Variants in BRD4 observed in about 807,000 individuals in gnomAD.
BRD4 encodes the protein bromodomain-containing protein 4.
Under a neutral mutation model 142.1 loss-of-function variants are expected in BRD4, and 16 were observed. The observed-to-expected ratio is 0.11, with a 90% CI of 0.08 to 0.17. BRD4 has a LOEUF of 0.17. Ranked by LOEUF, BRD4 falls within the 10% of genes least tolerant of loss-of-function variation. The pLI, the probability that BRD4 is intolerant of heterozygous loss-of-function variation, is 1.00. For synonymous variants in BRD4, 833 were observed against 707.5 expected, an observed-to-expected ratio of 1.18 and a Z score of -2.82; for missense variants, 1,424 against 1,810.9, an observed-to-expected ratio of 0.79 and a Z score of 3.88.
At chr19:15,251,060 T>C (rs1385306819) in intron 11 of BRD4, among the ~76,000 whole-genome samples, 1 of 152,080 alleles carries the variant, frequency 6.6e-6, no homozygotes, top group African/African-American at 2.4e-5. Flanking sequence ...TCAGAGGAAG[T>C]GGTAGGGCTG....
intron 1 of BRD4, among the ~76,000 whole-genome samples, chr19:15,273,368 G>A (rs555576664): frequency 6.6e-6 from 1 of 152,336 alleles, no homozygotes; most frequent in East Asian, 1.9e-4. Flanking sequence ...GGCAGAGTGA[G>A]GTGGTGAGAG....
intron 10 of BRD4, among the ~76,000 whole-genome samples, chr19:15,254,906 G>A (rs1599449579): frequency 1.3e-5 from 2 of 152,198 alleles, no homozygotes. Context: ...TGCTAGAGAG[G>A]GACAGAGGCT....
intron 1 of BRD4, among the ~76,000 whole-genome samples, chr19:15,297,052 C>T (rs2047829010): frequency 6.6e-6 from 1 of 152,214 alleles, no homozygotes; most frequent in Non-Finnish European, 1.5e-5. Flanking sequence ...TTCGTAACAT[C>T]TACCTTGTAT....
chr19:15,251,438 CGGGGGGGGG>C (rs1197390019), intron 11 of BRD4, among the ~76,000 whole-genome samples: 1 of 7,088 alleles, frequency 1.4e-4, no homozygotes, highest in East Asian at 3.4e-3. Flanking sequence ...AACACAAGAA[CGGGGGGGGG>C]GGGGGGGGCG....
At position 15,239,121 on chromosome 19, in the gene BRD4, G is replaced by A; in HGVS notation, c.3720C>T (p.Ala1240=). 6.2e-7 allele frequency: 1 copy of A among 1,610,334 alleles called. No individual in the cohort carries two copies. The highest frequency in any genetic ancestry group is 8.5e-7 in the Non-Finnish European group (1 of 1,179,676). The part of the protein sequence containing the change: ...AAREKEEREK[A]LKAQAEHAEK... ...CAGCGTGCTCGGCCTGAGCCTTCAG[G>A]GCCTTCTCACGCTCCTCTTTCTCCC... The change falls in exon 18 of 20, where the codon GCC becomes GCT. Residue 1240 remains alanine (A), a synonymous_variant. Transcript: ENST00000679869. The surrounding 1 kb of genome is among the most constrained non-coding windows in gnomAD (Gnocchi z 7.4).
chr19:15,307,137 G>A (rs2047920912), intron 1 of BRD4, among the ~76,000 whole-genome samples: 1 of 152,144 alleles, frequency 6.6e-6, no homozygotes, highest in East Asian at 1.9e-4. Context: ...TGACTGAACT[G>A]GTCAGGCCAA....
chr19:15,283,552 C>T (rs1301381009), intron 1 of BRD4, among the ~76,000 whole-genome samples: 1 of 152,172 alleles, frequency 6.6e-6, no homozygotes, highest in Non-Finnish European at 1.5e-5. Flanking sequence ...GAAATGCAAA[C>T]AACAATCTGC....
chr19:15,245,046 G>A, intron 11 of BRD4: 1 of 545,690 alleles, frequency 1.8e-6, no homozygotes, highest in Non-Finnish European at 3.2e-6. Flanking sequence ...GAAGCTGAGA[G>A]CTTGCCCAAC....
Position 15,265,578 on chromosome 19 carries a change from G to C in BRD4, c.625C>G (p.Gln209Glu), listed in dbSNP as rs201864530. 5 of 1,614,124 alleles carry C rather than the reference G, an allele frequency of 3.1e-6. 1 individual carries two copies. The Middle Eastern group carries it at 8.2e-4, about 266-fold the overall frequency. Residue 209 changes from glutamine (Q) to glutamate (E), a missense_variant, in exon 5 of 20, where the codon CAG (glutamine) becomes GAG (glutamate). Physicochemically the swap from Gln to Glu is conservative, Grantham distance 29 (BLOSUM62 2). This residue lies in a region of BRD4 where 140 missense variants were observed against 131.7 expected (regional missense o/e 1.06). Coordinates refer to ENST00000679869, the MANE Select transcript of BRD4 (RefSeq NM_001379291.1). Reference protein sequence around the residue: ...TTQASTPPQTQTPQPNPPPVQ... With the variant: ...TTQASTPPQTETPQPNPPPVQ... ...GGAGGAGGATTCGGCTGAGGGGTCTGGGTCTGCGGAGGAGTCGATGCTTGA... is the reference window on the plus strand; with the variant it reads ...GGAGGAGGATTCGGCTGAGGGGTCTCGGTCTGCGGAGGAGTCGATGCTTGA...
chr19:15,237,068 C>G lies in BRD4; in HGVS notation c.*1309G>C, dbSNP rs934206082. The G allele has an allele frequency of 1.4e-4, 29 of 201,918 alleles. No homozygotes were observed. Among genetic ancestry groups the G allele is most frequent in the Middle Eastern group, 1.6e-3 (1 of 630 alleles). The allele number at this position is 201,918 out of a possible 1,614,324, so 12.5% of individuals were successfully genotyped here. ...GGCAGGAGCGGCCAGCTGGTTGGGG[C>G]TGGGCGCCAGGTAGGGGAGTCTCTG... is the stretch of plus-strand genomic sequence containing the variant. On this transcript the variant is annotated 3_prime_UTR_variant, in exon 20 of 20. Transcript: ENST00000679869.
chr19:15,322,533 C>A (rs1423890813), intron 1 of BRD4, among the ~76,000 whole-genome samples: 1 of 149,766 alleles, frequency 6.7e-6, no homozygotes, highest in African/African-American at 2.5e-5. Flanking sequence ...CACGGTGAAA[C>A]CCCGTCTCTA....
intron 1 of BRD4, among the ~76,000 whole-genome samples, chr19:15,276,433 C>T (rs2047647551): frequency 6.6e-6 from 1 of 152,094 alleles, no homozygotes; most frequent in African/African-American, 2.4e-5. Context: ...ACCCTGTCAC[C>T]TTCAGCCTTT....
chr19:15,262,031 G>C (rs964879079), intron 7 of BRD4, among the ~76,000 whole-genome samples: 2 of 152,346 alleles, frequency 1.3e-5, no homozygotes, highest in Middle Eastern at 3.4e-3. Flanking sequence ...TCAAGAGTTT[G>C]AGCACATGTC....
chr19:15,268,364 A>G (rs2047554947), intron 3 of BRD4: 1 of 153,510 alleles, frequency 6.5e-6, no homozygotes, highest in Admixed American at 6.5e-5. Flanking sequence ...TCAGGTCTAC[A>G]TGTAGGATCG....
Position 15,238,699 on chromosome 19 carries a change from A to G in BRD4, c.4020+44T>C. On this transcript the variant is annotated intron_variant, in intron 19 of 19. Transcript: ENST00000679869. This position sits in a 1 kb window ranked among gnomAD's most constrained non-coding sequence, Gnocchi z 7.2. ...GTCCCCCTTTCCCAGCTCCCTCAGG[A>G]GCTAATCCTTAGACCAGGGTCCCCA... 1 of 1,468,016 alleles carries G rather than the reference A, an allele frequency of 6.8e-7. No individual in the cohort carries two copies. The highest frequency in any genetic ancestry group is 2.6e-4 in the Middle Eastern group (1 of 3,920). 90.9% of individuals were successfully genotyped at this position (1,468,016 alleles called of 1,614,324 possible). A position where few individuals can be genotyped will look rare whatever the true frequency, so the allele number is the denominator to read the frequency against.
chr19:15,287,810 C>G (rs1242760652), intron 1 of BRD4, among the ~76,000 whole-genome samples: 1 of 151,898 alleles, frequency 6.6e-6, no homozygotes, highest in Non-Finnish European at 1.5e-5. Flanking sequence ...CCCTTTGTCG[C>G]CCAAGCTGGA....
intron 1 of BRD4, among the ~76,000 whole-genome samples, chr19:15,326,814 T>C (rs1020318674): frequency 1.3e-5 from 2 of 152,194 alleles, no homozygotes; most frequent in Non-Finnish European, 2.9e-5. Flanking sequence ...GTGGACTACA[T>C]TCCATGAATT....
intron 1 of BRD4, among the ~76,000 whole-genome samples, chr19:15,309,073 ACACCTGTAAT>A (rs2047942902): frequency 6.6e-6 from 1 of 151,884 alleles, no homozygotes. Context: ...GCGGTGGCTC[ACACCTGTAAT>A]CCCAGCACTT....
chr19:15,296,505 G>T (rs1370172712), intron 1 of BRD4, among the ~76,000 whole-genome samples: 1 of 152,170 alleles, frequency 6.6e-6, no homozygotes, highest in East Asian at 1.9e-4. Flanking sequence ...GATTAGCCAC[G>T]ATGGTCAGCC....
Sources: gnomAD v4.1 joint callset for allele counts (sites outside exome capture counted in the v4.1 genomes callset) on GRCh38, gnomAD v4.1.1 for gene constraint, gnomAD v4.1.1 regional missense constraint, Gnocchi (gnomAD v3.1) non-coding constraint, MANE v1.5 for transcripts, NCBI Gene and HGNC (gene_info 2026-07-23, HGNC 2026-07-21) for gene names.